Variants in AGBL1 observed in about 807,000 individuals in gnomAD.
AGBL1 encodes cytosolic carboxypeptidase 4.
A neutral mutation model predicts 118.9 loss-of-function variants in AGBL1; 130 were observed. That is an observed-to-expected ratio of 1.09 (90% CI 0.95 to 1.26). The LOEUF (loss-of-function observed/expected upper bound fraction) is 1.26, where lower values mean the gene tolerates loss of function less well. Ranked by LOEUF, AGBL1 falls within the 50% of genes most tolerant of loss-of-function variation. The probability of loss-of-function intolerance (pLI) is 0.00; values close to 1 mark genes in which losing one functional copy is unlikely to be tolerated. For synonymous variants in AGBL1, 555 were observed against 478.9 expected, an observed-to-expected ratio of 1.16 and a Z score of -2.08; for missense variants, 1,584 against 1,298.1, an observed-to-expected ratio of 1.22 and a Z score of -3.38.
intron 5 of AGBL1, among the ~76,000 whole-genome samples, chr15:86,166,779 T>C (rs12324056): frequency 0.031 from 4,710 of 152,208 alleles, 238 homozygotes; most frequent in African/African-American, 0.11. Flanking sequence ...CTTGATATGT[T>C]GATATTGGAT....
intron 17 of AGBL1, among the ~76,000 whole-genome samples, chr15:86,385,843 T>C (rs2081175887): frequency 6.6e-6 from 1 of 152,016 alleles, no homozygotes; most frequent in Admixed American, 6.5e-5. Flanking sequence ...CACAGAACTG[T>C]TTTATTTTCA....
At chr15:86,789,034 A>T (rs888759636) in intron 22 of AGBL1, among the ~76,000 whole-genome samples, 6 of 152,222 alleles carry the variant, frequency 3.9e-5, no homozygotes, top group Admixed American at 3.9e-4. Context: ...GGAAGGATGG[A>T]GAATAAGCTA....
intron 17 of AGBL1, among the ~76,000 whole-genome samples, chr15:86,348,922 G>C (rs2080582547): frequency 6.6e-6 from 1 of 152,156 alleles, no homozygotes; most frequent in Non-Finnish European, 1.5e-5. Flanking sequence ...AGAGGTCTCT[G>C]TAGATGTAAT....
intron 20 of AGBL1, among the ~76,000 whole-genome samples, chr15:86,548,614 G>A (rs902664019): frequency 2.6e-5 from 4 of 151,018 alleles, no homozygotes; most frequent in African/African-American, 4.9e-5. Context: ...TGGTCATCAA[G>A]AAATGCAGTT....
At chr15:86,202,506 A>G (rs1329057915) in intron 5 of AGBL1, among the ~76,000 whole-genome samples, 1 of 152,178 alleles carries the variant, frequency 6.6e-6, no homozygotes, top group Admixed American at 6.5e-5. Context: ...AGACAGCCTC[A>G]GATTTGTTGT....
chr15:86,484,808 C>T (rs987974530), intron 18 of AGBL1, among the ~76,000 whole-genome samples: 1 of 152,120 alleles, frequency 6.6e-6, no homozygotes, highest in Admixed American at 6.6e-5. Flanking sequence ...TTCTAGAGAA[C>T]TGCTATGAGA....
At chr15:86,655,257 A>G (rs777569247) in intron 21 of AGBL1, among the ~76,000 whole-genome samples, 27 of 152,216 alleles carry the variant, frequency 1.8e-4, no homozygotes, top group Non-Finnish European at 3.1e-4. Context: ...CTGAATATCT[A>G]TTAACAACTT....
At chr15:86,152,665 G>C (rs1333378010) in intron 3 of AGBL1, among the ~76,000 whole-genome samples, 1 of 152,108 alleles carries the variant, frequency 6.6e-6, no homozygotes, top group African/African-American at 2.4e-5. Flanking sequence ...GGAAACACAT[G>C]GGATCTAATT....
At chr15:86,867,276 A>G (rs2079646468) in intron 22 of AGBL1, among the ~76,000 whole-genome samples, 1 of 152,100 alleles carries the variant, frequency 6.6e-6, no homozygotes, top group Non-Finnish European at 1.5e-5. Flanking sequence ...ACAGCATAAC[A>G]CTTCCCTCAA....
intron 22 of AGBL1, among the ~76,000 whole-genome samples, chr15:86,757,538 GA>G: frequency 6.6e-6 from 1 of 152,178 alleles, no homozygotes; most frequent in East Asian, 1.9e-4. Context: ...TTTACAGAGG[GA>G]AAAACCAAGG....
intron 1 of AGBL1, among the ~76,000 whole-genome samples, chr15:86,133,924 G>A (rs560719947): frequency 7.9e-5 from 12 of 152,216 alleles, no homozygotes; most frequent in South Asian, 2.1e-4. Flanking sequence ...GATAGCAGAC[G>A]TCTTTCTTAT....
At chr15:86,451,825 T>C (rs1466838902) in intron 18 of AGBL1, among the ~76,000 whole-genome samples, 1 of 152,140 alleles carries the variant, frequency 6.6e-6, no homozygotes, top group Non-Finnish European at 1.5e-5. Flanking sequence ...TGCACATGTC[T>C]GTAAAATTAA....
chr15:86,260,236 G>T (rs2078961626), intron 9 of AGBL1, among the ~76,000 whole-genome samples: 2 of 152,212 alleles, frequency 1.3e-5, no homozygotes, highest in Non-Finnish European at 2.9e-5. Flanking sequence ...AAGAAGTCAG[G>T]CATATTTTAT....
At chr15:86,670,450 A>T (rs1372686427) in intron 21 of AGBL1, among the ~76,000 whole-genome samples, 1 of 149,938 alleles carries the variant, frequency 6.7e-6, no homozygotes, top group African/African-American at 2.5e-5. Context: ...CTCAAAATAC[A>T]AAAATTAGCT....
intron 22 of AGBL1, among the ~76,000 whole-genome samples, chr15:86,774,766 C>T (rs2078229570): frequency 1.3e-5 from 2 of 152,000 alleles, no homozygotes; most frequent in South Asian, 4.1e-4. Context: ...GGCCAGGAGA[C>T]ACAAGCAGGG....
At chr15:86,876,677 T>C (rs1361686290) in intron 22 of AGBL1, among the ~76,000 whole-genome samples, 1 of 152,210 alleles carries the variant, frequency 6.6e-6, no homozygotes, top group South Asian at 2.1e-4. Flanking sequence ...CATTCAACTC[T>C]GCCCTTGTAG....
chr15:86,578,035 C>A (rs549002758), intron 21 of AGBL1, among the ~76,000 whole-genome samples: 1 of 151,804 alleles, frequency 6.6e-6, no homozygotes, highest in African/African-American at 2.4e-5. Flanking sequence ...AGAGGGCCAC[C>A]GTCCTCCAGA....
chr15:86,929,491 C>G (rs1347630507), intron 23 of AGBL1, among the ~76,000 whole-genome samples: 1 of 152,174 alleles, frequency 6.6e-6, no homozygotes, highest in South Asian at 2.1e-4. Context: ...TGTGAATTTT[C>G]ACCACCTTTG....
chr15:86,221,312 A>G (rs1225763415), intron 5 of AGBL1, among the ~76,000 whole-genome samples: 3 of 152,198 alleles, frequency 2.0e-5, no homozygotes, highest in Non-Finnish European at 2.9e-5. Context: ...TTGCACTCCA[A>G]AGGCACTGAC....
Sources: gnomAD v4.1 joint callset for allele counts (sites outside exome capture counted in the v4.1 genomes callset) on GRCh38, gnomAD v4.1.1 for gene constraint, MANE v1.5 for transcripts, NCBI Gene and HGNC (gene_info 2026-07-23, HGNC 2026-07-21) for gene names.